Variants in TGFA observed in about 807,000 individuals in gnomAD.
The protein encoded by TGFA is protransforming growth factor alpha.
Under a neutral mutation model 21.7 loss-of-function variants are expected in TGFA, and 12 were observed. The observed-to-expected ratio is 0.55, with a 90% confidence interval of 0.35 to 0.90. The LOEUF is 0.90. TGFA is among the 40% of genes least tolerant of loss of function. TGFA has a pLI of 0.01. For missense variants in TGFA, 178 were observed against 210.8 expected (o/e 0.84, Z 0.96); for synonymous variants, 79 against 88.1 (o/e 0.90, Z 0.58).
At chr2:70,508,326 T>A (rs1553500505) in intron 2 of TGFA, among the ~76,000 whole-genome samples, 1 of 152,198 alleles carries the variant, frequency 6.6e-6, no homozygotes, top group African/African-American at 2.4e-5. Context: ...GTGCCTGTAA[T>A]CCCAGCTACT....
chr2:70,526,135 A>C (rs558863153), intron 1 of TGFA, among the ~76,000 whole-genome samples: 2 of 152,290 alleles, frequency 1.3e-5, no homozygotes, highest in South Asian at 4.1e-4. Context: ...TGGTGATCCA[A>C]CCTGCCCCAT....
chr2:70,523,931 A>G (rs1672553977), intron 1 of TGFA, among the ~76,000 whole-genome samples: 1 of 152,196 alleles, frequency 6.6e-6, no homozygotes, highest in African/African-American at 2.4e-5. Context: ...CATAGCTGCA[A>G]AAGGAGGTGA....
chr2:70,532,846 G>A (rs1314280507), intron 1 of TGFA, among the ~76,000 whole-genome samples: 1 of 147,782 alleles, frequency 6.8e-6, no homozygotes, highest in Non-Finnish European at 1.5e-5. Context: ...GAATAATTAA[G>A]CAAGTGTATA....
chr2:70,478,173 T>C (rs1479698275), intron 2 of TGFA, among the ~76,000 whole-genome samples: 1 of 152,128 alleles, frequency 6.6e-6, no homozygotes, highest in Non-Finnish European at 1.5e-5. Flanking sequence ...TAACAGTCTT[T>C]TGGGGTGAGG....
intron 3 of TGFA, among the ~76,000 whole-genome samples, chr2:70,459,310 A>G (rs1670340846): frequency 6.6e-6 from 1 of 152,234 alleles, no homozygotes; most frequent in African/African-American, 2.4e-5. Context: ...GCATTAGGCT[A>G]AACTCCTACA....
At chr2:70,474,006 T>C (rs1434536823) in intron 2 of TGFA, among the ~76,000 whole-genome samples, 1 of 152,158 alleles carries the variant, frequency 6.6e-6, no homozygotes, top group Non-Finnish European at 1.5e-5. Flanking sequence ...AGAGAACATA[T>C]TTTTCCTATA....
chr2:70,536,992 CTT>C (rs147239385), intron 1 of TGFA, among the ~76,000 whole-genome samples: 5 of 126,136 alleles, frequency 4.0e-5, no homozygotes, highest in South Asian at 2.9e-4. Flanking sequence ...TTTTCTTTTT[CTT>C]TTTCTTTTTT....
At chr2:70,536,252 G>A (rs1672963913) in intron 1 of TGFA, among the ~76,000 whole-genome samples, 1 of 152,092 alleles carries the variant, frequency 6.6e-6, no homozygotes, top group Non-Finnish European at 1.5e-5. Flanking sequence ...AAATCCATGA[G>A]GCAAAAACTA....
intron 2 of TGFA, among the ~76,000 whole-genome samples, chr2:70,495,837 C>A (rs1016840478): frequency 2.0e-5 from 3 of 152,098 alleles, no homozygotes; most frequent in Non-Finnish European, 4.4e-5. Flanking sequence ...AATAATTCCC[C>A]ATTTTCCCCT....
chr2:70,504,519 G>A lies in TGFA; in HGVS notation c.94+10340C>T, dbSNP rs1033911334. ...ACACACACACACACACACACACACA[G>A]AAGATTCCATAGTTTTGTGATAAGA... On this transcript the variant is annotated intron_variant, in intron 2 of 5. Transcript: ENST00000295400. Among the ~76,000 whole-genome samples, 53 of 106,990 alleles carry A rather than the reference G, an allele frequency of 5.0e-4. 1 individual carries two copies. In the South Asian group the frequency reaches 5.3e-3, roughly 11 times the overall value. The allele number at this position is 106,990 out of a possible 152,430, so 70.2% of individuals were successfully genotyped here. A position where few individuals can be genotyped will look rare whatever the true frequency, so the allele number is the denominator to read the frequency against.
chr2:70,516,404 C>G (rs1424153458), intron 1 of TGFA, among the ~76,000 whole-genome samples: 3 of 152,128 alleles, frequency 2.0e-5, no homozygotes, highest in Non-Finnish European at 4.4e-5. Flanking sequence ...CAATCATGCT[C>G]CCGATGTTCC....
chr2:70,486,300 TG>T (rs1221517292), intron 2 of TGFA, among the ~76,000 whole-genome samples: 3 of 152,218 alleles, frequency 2.0e-5, no homozygotes, highest in Non-Finnish European at 2.9e-5. Context: ...CAGGATATTT[TG>T]CCTCCTTCCA....
chr2:70,507,746 G>A (rs782696925), intron 2 of TGFA, among the ~76,000 whole-genome samples: 2 of 152,214 alleles, frequency 1.3e-5, no homozygotes, highest in Non-Finnish European at 2.9e-5. Flanking sequence ...ACATCCATTA[G>A]TTTTGTCATT....
At chr2:70,504,465 C>T (rs199733431) in intron 2 of TGFA, among the ~76,000 whole-genome samples, 7,142 of 59,004 alleles carry the variant, frequency 0.12, 310 homozygotes, top group African/African-American at 0.13. Context: ...TATATATATA[C>T]ACACATACAT....
chr2:70,466,579 T>G (rs1670572490), intron 2 of TGFA, among the ~76,000 whole-genome samples: 1 of 151,922 alleles, frequency 6.6e-6, no homozygotes, highest in African/African-American at 2.4e-5. Flanking sequence ...AAATTAGACA[T>G]GAAGGAGTCT....
intron 1 of TGFA, 70 bp from the exon 2 acceptor site, chr2:70,514,982 G>A (rs1559129713): frequency 1.4e-6 from 2 of 1,466,934 alleles, no homozygotes; most frequent in Non-Finnish European, 1.9e-6. Flanking sequence ...GACGCTTAGA[G>A]GGCAGGCCCT....
intron 2 of TGFA, among the ~76,000 whole-genome samples, chr2:70,487,813 G>A (rs1236310776): frequency 1.3e-5 from 2 of 152,090 alleles, no homozygotes; most frequent in Non-Finnish European, 2.9e-5. Context: ...ATAGATCTTT[G>A]TTCACGCACA....
intron 1 of TGFA, among the ~76,000 whole-genome samples, chr2:70,545,267 AAAG>A (rs58387557): frequency 2.5e-4 from 38 of 151,994 alleles, no homozygotes; most frequent in East Asian, 3.9e-4. Context: ...AGACGAAGAA[AAAG>A]AAGAAGAAGA....
At chr2:70,491,528 AC>A (rs1336393232) in intron 2 of TGFA, among the ~76,000 whole-genome samples, 1 of 152,122 alleles carries the variant, frequency 6.6e-6, no homozygotes, top group African/African-American at 2.4e-5. Context: ...CCTATATGAA[AC>A]TTGGTTTTTA....
Sources: gnomAD v4.1 joint callset for allele counts (sites outside exome capture counted in the v4.1 genomes callset) on GRCh38, gnomAD v4.1.1 for gene constraint, MANE v1.5 for transcripts, NCBI Gene and HGNC (gene_info 2026-07-23, HGNC 2026-07-21) for gene names.